Variants in VWF observed in about 807,000 individuals in gnomAD.
The protein encoded by VWF is Factor VIII related antigen.
VWF carries 176 observed loss-of-function variants against 308.6 expected under a neutral mutation model. The observed-to-expected ratio is 0.57, with a 90% CI of 0.50 to 0.65. The LOEUF (loss-of-function observed/expected upper bound fraction) is 0.65. VWF is among the 30% of genes least tolerant of loss of function. The pLI, the probability that VWF is intolerant of heterozygous loss-of-function variation, is 0.00. For synonymous variants in VWF, 1,385 were observed against 1,443.4 expected (o/e 0.96, Z 0.92); for missense variants, 3,146 against 3,648.2 (o/e 0.86, Z 3.55).
intron 15 of VWF, among the ~76,000 whole-genome samples, chr12:6,056,281 AAGTG>A (rs1944577367): frequency 1.3e-5 from 2 of 151,442 alleles, no homozygotes; most frequent in Admixed American, 1.3e-4. Flanking sequence ...AAAAACAAAA[AAGTG>A]AGCACAATAG....
chr12:6,016,022 C>T (rs948715504), intron 31 of VWF, 67 bp downstream of exon 31: 1 of 1,607,830 alleles, frequency 6.2e-7, no homozygotes, highest in African/African-American at 1.3e-5. Flanking sequence ...CCCCAGCCCA[C>T]TTTTAATCCT....
In VWF at chr12:6,071,310, A is replaced by G. The variant is rs1350080063; in HGVS notation, c.1143T>C (p.Asn381=). ...ICRNSQWICS[N]EECPGECLVT... Reference sequence around the variant, plus strand: ...CAGGTCGCCTACCTGGACATTCTTCATTGCTGCAGATCCACTGGCTGTTTC... The same window carrying G: ...CAGGTCGCCTACCTGGACATTCTTCGTTGCTGCAGATCCACTGGCTGTTTC... Residue 381 remains asparagine (N), a synonymous_variant, in exon 10 of 52, where the codon AAT becomes AAC. Coordinates refer to ENST00000261405, the MANE Select transcript of VWF (RefSeq NM_000552.5). 1 of 1,614,188 alleles carries G rather than the reference A, an allele frequency of 6.2e-7. No individual in the cohort carries two copies. The highest frequency in any genetic ancestry group is 8.5e-7 in the Non-Finnish European group (1 of 1,180,038).
At chr12:5,991,574 A>G (rs529095144) in intron 38 of VWF, among the ~76,000 whole-genome samples, 17 of 152,352 alleles carry the variant, frequency 1.1e-4, no homozygotes, top group Admixed American at 5.9e-4. Context: ...AACAATCATA[A>G]TAATAATGTG....
At chr12:6,004,831 C>T (rs979277990) in intron 34 of VWF, among the ~76,000 whole-genome samples, 2 of 151,872 alleles carry the variant, frequency 1.3e-5, no homozygotes, top group Non-Finnish European at 2.9e-5. Flanking sequence ...ACAATTGCAA[C>T]AAGGAAGATT....
chr12:6,086,045 C>T (rs1470635832), intron 6 of VWF, among the ~76,000 whole-genome samples: 1 of 152,188 alleles, frequency 6.6e-6, no homozygotes, highest in Non-Finnish European at 1.5e-5. Context: ...CCCTGCCCTT[C>T]TCCCATCCTG....
chr12:6,055,759 TATACACAC>T (rs1352982338), intron 15 of VWF, among the ~76,000 whole-genome samples: 7 of 66,260 alleles, frequency 1.1e-4, no homozygotes, highest in South Asian at 3.5e-4. Flanking sequence ...TATATATATG[TATACACAC>T]ACACACACAC....
chr12:6,108,289 G>A (rs1945265482), intron 5 of VWF, among the ~76,000 whole-genome samples: 2 of 132,822 alleles, frequency 1.5e-5, no homozygotes, highest in South Asian at 4.7e-4. Context: ...GCAAGACTCT[G>A]TCTTTAAAAA....
intron 5 of VWF, among the ~76,000 whole-genome samples, chr12:6,109,742 C>T (rs571339738): frequency 7.1e-4 from 108 of 152,270 alleles, no homozygotes; most frequent in African/African-American, 2.5e-3. Flanking sequence ...GTTCTCCCTC[C>T]CGGGTTCACG....
At chr12:6,072,469 G>T (rs55907031) in intron 8 of VWF, 27 bp from the exon 9 acceptor site, 30 of 1,571,110 alleles carry the variant, frequency 1.9e-5, no homozygotes, top group Non-Finnish European at 2.4e-5. Context: ...CAAGACAAAG[G>T]CCTCAACATT....
At chr12:6,038,416 T>C (rs1477518807) in intron 18 of VWF, among the ~76,000 whole-genome samples, 1 of 152,212 alleles carries the variant, frequency 6.6e-6, no homozygotes, top group Non-Finnish European at 1.5e-5. Context: ...CAGCAGCACA[T>C]GTTGCCCCTC....
At chr12:5,993,521 A>T (rs1239077834) in intron 37 of VWF, among the ~76,000 whole-genome samples, 1 of 152,124 alleles carries the variant, frequency 6.6e-6, no homozygotes, top group Non-Finnish European at 1.5e-5. Flanking sequence ...TGTGTCTAAC[A>T]CATTAAAATC....
rs368201459 is a variant in VWF at position 6,046,867 on chromosome 12, G to A, written c.2187-50C>T. The A allele has an allele frequency of 1.2e-5, 18 of 1,543,890 alleles. No individual in the cohort carries two copies. The highest frequency in any genetic ancestry group is 8.2e-5 in the African/African-American group (6 of 73,402). Reference sequence around the variant, plus strand: ...AGCTTCACGAGACTCGTCTATACTCGCTGCCTCCACATCTTCACCTCCCAC... The same window carrying A: ...AGCTTCACGAGACTCGTCTATACTCACTGCCTCCACATCTTCACCTCCCAC... On this transcript the variant is annotated intron_variant, in intron 16 of 51. Coordinates refer to ENST00000261405, the MANE Select transcript of VWF (RefSeq NM_000552.5). The surrounding 1 kb of genome is among the most constrained non-coding windows in gnomAD (Gnocchi z 5.0).
At chr12:6,102,999 T>C (rs576334808) in intron 5 of VWF, among the ~76,000 whole-genome samples, 1 of 151,902 alleles carries the variant, frequency 6.6e-6, no homozygotes, top group African/African-American at 2.4e-5. Context: ...TACAAGAATA[T>C]AGTAATCAAA....
chr12:6,102,274 T>C (rs888866060), intron 5 of VWF, among the ~76,000 whole-genome samples: 1 of 151,794 alleles, frequency 6.6e-6, no homozygotes, highest in Non-Finnish European at 1.5e-5. Context: ...AAACCCTGTC[T>C]CTAATAAACA....
chr12:6,092,616 A>AGTGAGAGAGAGAGAGAGTGTGT (rs796249343), intron 6 of VWF, among the ~76,000 whole-genome samples: 1 of 96,622 alleles, frequency 1.0e-5, no homozygotes. Flanking sequence ...TGAGTGAGTG[A>AGTGAGAGAGAGAGAGAGTGTGT]GAGTGTGTGT....
chr12:6,076,248 T>C (rs991899647), intron 6 of VWF, among the ~76,000 whole-genome samples: 2 of 152,168 alleles, frequency 1.3e-5, no homozygotes, highest in African/African-American at 2.4e-5. Context: ...AGCTTTGGAA[T>C]TGTCATCATT....
Position 6,052,625 on chromosome 12 carries a change from C to T in VWF, c.2104G>A (p.Val702Met), listed in dbSNP as rs767946240. 14 of 1,614,124 alleles carry T rather than the reference C, an allele frequency of 8.7e-6. No homozygotes were observed. The highest frequency in any genetic ancestry group is 8.0e-5 in the African/African-American group (6 of 74,950). The change falls in exon 16 of 52, where the codon GTG (valine) becomes ATG (methionine). Residue 702 changes from valine (V) to methionine (M), a missense_variant. Val to Met is a conservative substitution (Grantham distance 21, BLOSUM62 1). Transcript: ENST00000261405. ...GLYMDERGDC[V>M]PKAQCPCYYD... ...TAACAGGGGCACTGGGCCTTGGGCA[C>T]GCAGTCCCCCCTCTCATCCATGTAG...
intron 47 of VWF, among the ~76,000 whole-genome samples, chr12:5,963,283 A>G (rs757683073): frequency 1.5e-4 from 23 of 152,348 alleles, no homozygotes; most frequent in Non-Finnish European, 2.9e-4. Context: ...ATTAAAGGGC[A>G]AACAACCCAA....
At chr12:5,964,165 C>A (rs544007736) in intron 47 of VWF, among the ~76,000 whole-genome samples, 2 of 146,396 alleles carry the variant, frequency 1.4e-5, no homozygotes, top group African/African-American at 2.5e-5. Context: ...TGCAGTGAGC[C>A]GAGATCTCAC....
Sources: gnomAD v4.1 joint callset for allele counts (sites outside exome capture counted in the v4.1 genomes callset) on GRCh38, gnomAD v4.1.1 for gene constraint, Gnocchi (gnomAD v3.1) non-coding constraint, MANE v1.5 for transcripts, NCBI Gene and HGNC (gene_info 2026-07-23, HGNC 2026-07-21) for gene names.